Variants in PCDH11X observed in about 807,000 individuals in gnomAD.
PCDH11X encodes protocadherin 11 X-linked.
Under a neutral mutation model 53.3 loss-of-function variants are expected in PCDH11X, and 18 were observed. The ratio of observed to expected loss-of-function variants is 0.34; its 90% CI spans 0.23 to 0.50. The LOEUF (loss-of-function observed/expected upper bound fraction) is 0.50. Ranked by LOEUF, PCDH11X falls within the 20% of genes least tolerant of loss-of-function variation. The pLI is 0.98. For synonymous variants in PCDH11X, 279 were observed against 393.3 expected, an observed-to-expected ratio of 0.71 and a Z score of 3.44; for missense variants, 570 against 1,032.4, an observed-to-expected ratio of 0.55 and a Z score of 6.14.
chrX:92,000,405 A>G (rs1456208065), intron 6 of PCDH11X, among the ~76,000 whole-genome samples: 1 of 110,492 alleles, frequency 9.1e-6, no homozygotes, highest in Non-Finnish European at 1.9e-5. Context: ...TTAAAGTTAT[A>G]CCTAAGTACA....
chrX:91,874,427 C>G (rs1939487557), intron 5 of PCDH11X, among the ~76,000 whole-genome samples: 1 of 110,992 alleles, frequency 9.0e-6, no homozygotes, highest in Non-Finnish European at 1.9e-5. Flanking sequence ...GATTATTGCT[C>G]TGAGTAAAAT....
At chrX:92,381,370 A>T (rs959967708) in intron 8 of PCDH11X, among the ~76,000 whole-genome samples, 24 of 111,380 alleles carry the variant, frequency 2.2e-4, no homozygotes, top group Non-Finnish European at 3.6e-4. Context: ...GATGAAACAA[A>T]CATGTTTCAT....
intron 6 of PCDH11X, among the ~76,000 whole-genome samples, chrX:91,943,762 C>A (rs1392373141): frequency 1.0e-5 from 1 of 96,549 alleles, no homozygotes; most frequent in Non-Finnish European, 2.1e-5. Context: ...TAGTTCACAT[C>A]TGACAGTTGA....
At chrX:92,105,775 C>A (rs2064371278) in intron 6 of PCDH11X, among the ~76,000 whole-genome samples, 1 of 109,901 alleles carries the variant, frequency 9.1e-6, no homozygotes, top group African/African-American at 3.3e-5. Flanking sequence ...ATTTACACTT[C>A]TTTTGTGGTG....
intron 6 of PCDH11X, among the ~76,000 whole-genome samples, chrX:91,909,654 AT>A (rs1941307623): frequency 9.5e-6 from 1 of 104,730 alleles, no homozygotes; most frequent in Admixed American, 1.1e-4. Context: ...TCTTATCGGC[AT>A]TGCCTAATAA....
chrX:92,069,000 A>T (rs1454015020), intron 6 of PCDH11X, among the ~76,000 whole-genome samples: 1 of 110,579 alleles, frequency 9.0e-6, no homozygotes, highest in East Asian at 2.8e-4. Context: ...CATTTGTTCT[A>T]CTATGCAGAT....
chrX:91,857,174 G>A (rs1460508514), intron 5 of PCDH11X, among the ~76,000 whole-genome samples: 1 of 111,359 alleles, frequency 9.0e-6, no homozygotes, highest in Non-Finnish European at 1.9e-5. Context: ...ATGGAGGCTG[G>A]CAAGAGAGAG....
At chrX:91,829,539 C>T (rs981988526) in intron 4 of PCDH11X, among the ~76,000 whole-genome samples, 3 of 109,624 alleles carry the variant, frequency 2.7e-5, no homozygotes. Flanking sequence ...CCTCTCCATA[C>T]CCCTTGATCT....
At chrX:92,334,845 A>G (rs368603095) in intron 8 of PCDH11X, among the ~76,000 whole-genome samples, 1 of 110,751 alleles carries the variant, frequency 9.0e-6, no homozygotes, top group East Asian at 2.9e-4. Flanking sequence ...TTATAAGAAT[A>G]CAGTAGGTAG....
chrX:92,435,281 G>A (rs1378846789), intron 9 of PCDH11X, among the ~76,000 whole-genome samples: 1 of 110,630 alleles, frequency 9.0e-6, no homozygotes, highest in Non-Finnish European at 1.9e-5. Flanking sequence ...GAGAAATATG[G>A]GCATATGTAC....
chrX:92,250,331 A>G (rs1471617382), intron 7 of PCDH11X, among the ~76,000 whole-genome samples: 1 of 110,787 alleles, frequency 9.0e-6, no homozygotes, highest in African/African-American at 3.3e-5. Context: ...TGGAAAACTC[A>G]TACATCATTG....
chrX:92,401,287 G>T (rs2148588908), intron 9 of PCDH11X, among the ~76,000 whole-genome samples: 1 of 108,738 alleles, frequency 9.2e-6, no homozygotes, highest in African/African-American at 3.3e-5. Context: ...AGGTGTGGAG[G>T]AATATTGAAT....
At chrX:92,242,403 C>T (rs187269254) in intron 7 of PCDH11X, among the ~76,000 whole-genome samples, 5,967 of 110,753 alleles carry the variant, frequency 0.054, 209 homozygotes, top group East Asian at 0.23. Flanking sequence ...TCGGCTTTTT[C>T]ACTTAGCATA....
rs182517871 is a variant in PCDH11X, at chrX:92,559,211, T to C, written c.3368-59053T>C. Among the ~76,000 whole-genome samples, 206 of 110,104 alleles carry C rather than the reference T, an allele frequency of 1.9e-3. 1 individual carries two copies. Among genetic ancestry groups the C allele is most frequent in the African/African-American group, 6.7e-3 (202 of 30,367 alleles). ...GTTCATGTGTATTGAGATGAGTGCATTGGGAAATTTATGAAAACAGAATCA... is the reference window on the plus strand; with the variant it reads ...GTTCATGTGTATTGAGATGAGTGCACTGGGAAATTTATGAAAACAGAATCA... On this transcript the variant is annotated intron_variant, in intron 10 of 10. Coordinates refer to ENST00000682573, the MANE Select transcript of PCDH11X (RefSeq NM_032968.5).
At position 92,112,420 on chromosome X, in the gene PCDH11X, G is replaced by A. The variant is rs762530497; in HGVS notation, c.3034-88955G>A. Reference sequence around the variant, plus strand: ...TTCTTTCCCAAAGAATTCCTGAAATGTTTGGTATTTTGATATTTTCTCTTA... The same window carrying A: ...TTCTTTCCCAAAGAATTCCTGAAATATTTGGTATTTTGATATTTTCTCTTA... On this transcript the variant is annotated intron_variant, in intron 6 of 10. Coordinates refer to ENST00000682573, the MANE Select transcript of PCDH11X (RefSeq NM_032968.5). Among the ~76,000 whole-genome samples, 18 of 109,510 alleles carry A rather than the reference G, an allele frequency of 1.6e-4. No homozygotes were observed. In the South Asian group the frequency reaches 4.6e-3, roughly 28 times the overall value.
intron 7 of PCDH11X, among the ~76,000 whole-genome samples, chrX:92,221,058 G>T (rs1373584809): frequency 1.6e-5 from 1 of 60,956 alleles, no homozygotes; most frequent in Non-Finnish European, 3.1e-5. Context: ...GTGGGGTGGG[G>T]GGAGGGGGGA....
At chrX:91,785,283 A>C (rs1263177502) in intron 1 of PCDH11X, among the ~76,000 whole-genome samples, 1 of 103,889 alleles carries the variant, frequency 9.6e-6, no homozygotes, top group Non-Finnish European at 2.0e-5. Flanking sequence ...TATTTTGAGA[A>C]GGGACCCCCC....
intron 6 of PCDH11X, among the ~76,000 whole-genome samples, chrX:92,098,703 T>C (rs1278316832): frequency 1.1e-5 from 1 of 94,116 alleles, no homozygotes; most frequent in African/African-American, 4.0e-5. Context: ...TGGAGTGAAA[T>C]GGTGTGTGAT....
chrX:92,172,764 C>G (rs926674645), intron 6 of PCDH11X, among the ~76,000 whole-genome samples: 3 of 111,347 alleles, frequency 2.7e-5, no homozygotes, highest in Non-Finnish European at 5.6e-5. Flanking sequence ...CTTGAAGAAG[C>G]CTGAGATTAT....
Sources: gnomAD v4.1 joint callset for allele counts (sites outside exome capture counted in the v4.1 genomes callset) on GRCh38, gnomAD v4.1.1 for gene constraint, MANE v1.5 for transcripts, NCBI Gene and HGNC (gene_info 2026-07-23, HGNC 2026-07-21) for gene names.